Variants in TEX14 observed in about 807,000 individuals in gnomAD.
The protein encoded by TEX14 is inactive serine/threonine-protein kinase TEX14.
Under a neutral mutation model 178.6 loss-of-function variants are expected in TEX14, and 168 were observed. The ratio of observed to expected loss-of-function variants is 0.94; its 90% CI spans 0.83 to 1.07. The LOEUF is 1.07. Ranked by LOEUF, TEX14 falls within the 50% of genes least tolerant of loss-of-function variation. The pLI is 0.00. For missense variants in TEX14, 1,730 were observed against 1,753.6 expected, an observed-to-expected ratio of 0.99 and a Z score of 0.24; for synonymous variants, 626 against 634.1, an observed-to-expected ratio of 0.99 and a Z score of 0.19.
intron 1 of TEX14, among the ~76,000 whole-genome samples, chr17:58,684,177 G>A (rs1350552932): frequency 6.6e-6 from 1 of 151,144 alleles, no homozygotes. Flanking sequence ...AAATGCTTCC[G>A]CCCGGCATGG....
At chr17:58,651,083 C>T (rs1185416901) in intron 2 of TEX14, among the ~76,000 whole-genome samples, 1 of 152,178 alleles carries the variant, frequency 6.6e-6, no homozygotes, top group South Asian at 2.1e-4. Flanking sequence ...GCCTGAGCAA[C>T]ATGGCGAAAG....
chr17:58,620,322 A>T (rs573443834), intron 5 of TEX14, among the ~76,000 whole-genome samples: 1 of 152,146 alleles, frequency 6.6e-6, no homozygotes, highest in East Asian at 1.9e-4. Context: ...CCATTATTTT[A>T]GTTTTATTTG....
intron 6 of TEX14, among the ~76,000 whole-genome samples, 199 bp downstream of exon 6, chr17:58,617,339 G>A (rs901034994): frequency 2.0e-5 from 3 of 152,174 alleles, no homozygotes; most frequent in African/African-American, 7.2e-5. Flanking sequence ...GGTCATCCAA[G>A]GGAATTCTCT....
At chr17:58,592,279 G>T (rs1264826251) in intron 15 of TEX14, among the ~76,000 whole-genome samples, 2 of 150,950 alleles carry the variant, frequency 1.3e-5, no homozygotes, top group African/African-American at 4.9e-5. Context: ...GCCAAGGCTG[G>T]AGTGCAGTGG....
At chr17:58,659,981 G>A (rs975684294) in intron 1 of TEX14, among the ~76,000 whole-genome samples, 6 of 151,380 alleles carry the variant, frequency 4.0e-5, no homozygotes, top group Non-Finnish European at 7.4e-5. Flanking sequence ...ACAGACATAA[G>A]CCACCGCGCC....
chr17:58,653,750 G>A (rs1314967488), intron 1 of TEX14, among the ~76,000 whole-genome samples: 1 of 152,200 alleles, frequency 6.6e-6, no homozygotes, highest in South Asian at 2.1e-4. Context: ...CCTATGAAAA[G>A]ATGCCCCTTG....
intron 1 of TEX14, among the ~76,000 whole-genome samples, chr17:58,683,504 T>C (rs779832685): frequency 1.3e-5 from 2 of 152,170 alleles, no homozygotes; most frequent in African/African-American, 4.8e-5. Context: ...GGTTTACGCC[T>C]GTAATCCCAG....
chr17:58,626,497 T>C (rs1186149372), intron 3 of TEX14, among the ~76,000 whole-genome samples: 3 of 139,726 alleles, frequency 2.1e-5, no homozygotes, highest in Non-Finnish European at 4.5e-5. Context: ...TGGAACCCTG[T>C]AGGCAGAGGC....
intron 1 of TEX14, among the ~76,000 whole-genome samples, chr17:58,679,267 A>C (rs2047447888): frequency 6.6e-6 from 1 of 152,204 alleles, no homozygotes. Context: ...GGCTACAAAC[A>C]AGGAAAATGT....
rs188437305 is a variant in TEX14, at chr17:58,591,807, C to A, written c.2576+1748G>T. Among the ~76,000 whole-genome samples the A allele has an allele frequency of 4.4e-3, 671 of 151,752 alleles. 3 individuals are homozygous for A. Among genetic ancestry groups the A allele is most frequent in the African/African-American group, 0.015 (639 of 41,466 alleles). ...GAGTGGTGACTTACACCTATAATCC[C>A]AGTACTTTGGGAGGCTGAGGTGGGT... On this transcript the variant is annotated intron_variant, in intron 15 of 31. Transcript: ENST00000349033.
chr17:58,626,744 G>A (rs1440608677), intron 3 of TEX14, among the ~76,000 whole-genome samples: 3 of 151,898 alleles, frequency 2.0e-5, no homozygotes, highest in East Asian at 1.9e-4. Context: ...GGTGGCACGC[G>A]CCTGTAGTCC....
intron 30 of TEX14, among the ~76,000 whole-genome samples, chr17:58,559,199 A>C (rs549659524): frequency 1.3e-5 from 2 of 152,272 alleles, no homozygotes; most frequent in Admixed American, 6.5e-5. Flanking sequence ...ACGTCTCCCC[A>C]GACAACGTGC....
intron 30 of TEX14, 59 bp from the exon 31 acceptor site, chr17:58,557,909 G>T: frequency 1.5e-6 from 2 of 1,377,332 alleles, no homozygotes; most frequent in Non-Finnish European, 2.1e-6. Flanking sequence ...GTCAAAGGGT[G>T]CCAGTATTCA....
intron 8 of TEX14, 123 bp from the exon 9 acceptor site, chr17:58,613,667 T>C: frequency 1.8e-6 from 2 of 1,116,382 alleles, no homozygotes; most frequent in Non-Finnish European, 2.5e-6. Flanking sequence ...TCTTTTCTTT[T>C]CTTTTTTTTT....
intron 11 of TEX14, among the ~76,000 whole-genome samples, chr17:58,603,912 T>C (rs867301164): frequency 3.6e-4 from 54 of 148,384 alleles, no homozygotes; most frequent in Non-Finnish European, 6.9e-4. Context: ...TGTGTGTGTG[T>C]GTGTGTGTGT....
intron 13 of TEX14, among the ~76,000 whole-genome samples, chr17:58,599,981 T>G (rs1193421812): frequency 6.6e-6 from 1 of 152,122 alleles, no homozygotes; most frequent in Non-Finnish European, 1.5e-5. Flanking sequence ...ACATGCAAAT[T>G]AGAGGCCCCT....
At chr17:58,604,271 G>C (rs75749923) in intron 11 of TEX14, among the ~76,000 whole-genome samples, 21,884 of 151,326 alleles carry the variant, frequency 0.14, 2,471 homozygotes, top group East Asian at 0.31. Context: ...AAGCGATCGA[G>C]ACCAGCCTGG....
chr17:58,669,068 A>G (rs1349032390), intron 1 of TEX14, among the ~76,000 whole-genome samples: 1 of 152,174 alleles, frequency 6.6e-6, no homozygotes, highest in Non-Finnish European at 1.5e-5. Context: ...AGGGGGAGAC[A>G]ATGCCAGGCA....
At chr17:58,602,257 T>G in intron 12 of TEX14, 143 bp downstream of exon 12, 1 of 826,102 alleles carries the variant, frequency 1.2e-6, no homozygotes, top group South Asian at 1.9e-5. Flanking sequence ...GTTAGGCTAT[T>G]ATCAAGAACA....
Sources: gnomAD v4.1 joint callset for allele counts (sites outside exome capture counted in the v4.1 genomes callset) on GRCh38, gnomAD v4.1.1 for gene constraint, MANE v1.5 for transcripts, NCBI Gene and HGNC (gene_info 2026-07-23, HGNC 2026-07-21) for gene names.